Variants in ADAM23 observed in about 807,000 individuals in gnomAD.
ADAM23 encodes the protein ADAM metallopeptidase domain 23, also known as disintegrin and metalloproteinase domain-containing protein 23.
In ADAM23, 33 loss-of-function variants were observed where a neutral mutation model predicts 120.1. The ratio of observed to expected loss-of-function variants is 0.27; its 90% CI spans 0.21 to 0.37. The LOEUF (loss-of-function observed/expected upper bound fraction) is 0.37, where lower values mean the gene tolerates loss of function less well. Ranked by LOEUF, ADAM23 falls within the 10% of genes least tolerant of loss-of-function variation. The probability of loss-of-function intolerance (pLI) is 1.00; values close to 1 mark genes in which losing one functional copy is unlikely to be tolerated. For missense variants in ADAM23, 862 were observed against 1,058.2 expected, an observed-to-expected ratio of 0.81 and a Z score of 2.57; for synonymous variants, 367 against 375.2, an observed-to-expected ratio of 0.98 and a Z score of 0.25.
rs1181963503 is a variant in ADAM23, at chr2:206,561,265, A to G, written c.1254+53A>G. Reference sequence around the variant, plus strand: ...TTTGCATCTGTTCTCTTTTTTCCCTATGGCCCAGTTTACATCCTTTCTCGT... The same window carrying G: ...TTTGCATCTGTTCTCTTTTTTCCCTGTGGCCCAGTTTACATCCTTTCTCGT... On this transcript the variant is annotated intron_variant, in intron 12 of 25. Coordinates refer to ENST00000264377, the MANE Select transcript of ADAM23 (RefSeq NM_003812.4). 1.2e-5 allele frequency: 17 copies of G among 1,472,788 alleles called. No homozygotes were observed. The Admixed American group carries it at 1.7e-4, about 15-fold the overall frequency. 91.2% of individuals were successfully genotyped at this position (1,472,788 alleles called of 1,614,324 possible).
chr2:206,523,618 G>T (rs769933863), intron 3 of ADAM23, among the ~76,000 whole-genome samples: 1 of 151,972 alleles, frequency 6.6e-6, no homozygotes, highest in Non-Finnish European at 1.5e-5. Flanking sequence ...ATTTTAGGTG[G>T]TATGAGTCTA....
chr2:206,503,105 T>G (rs995494205), intron 3 of ADAM23, among the ~76,000 whole-genome samples: 1 of 152,164 alleles, frequency 6.6e-6, no homozygotes, highest in Non-Finnish European at 1.5e-5. Context: ...GGCTTGTGGT[T>G]GTGTTGCTGG....
At chr2:206,509,692 G>T (rs924841172) in intron 3 of ADAM23, among the ~76,000 whole-genome samples, 1 of 152,188 alleles carries the variant, frequency 6.6e-6, no homozygotes, top group East Asian at 1.9e-4. Context: ...CAGGTGATCC[G>T]CCGGCCTTGG....
intron 11 of ADAM23, among the ~76,000 whole-genome samples, 196 bp from the exon 12 acceptor site, chr2:206,560,932 C>T (rs1456947809): frequency 1.3e-5 from 2 of 152,084 alleles, no homozygotes; most frequent in Admixed American, 6.5e-5. Context: ...TTGGTGCTTG[C>T]TCAATTGAAA....
chr2:206,447,036 T>C (rs375632165), intron 2 of ADAM23, among the ~76,000 whole-genome samples: 1 of 152,214 alleles, frequency 6.6e-6, no homozygotes, highest in South Asian at 2.1e-4. Flanking sequence ...CCTCAAAGCC[T>C]GTTTCAAAGA....
At chr2:206,543,178 T>C in intron 5 of ADAM23, 75 bp from the exon 6 acceptor site, 1 of 1,259,228 alleles carries the variant, frequency 7.9e-7, no homozygotes, top group Non-Finnish European at 1.2e-6. Flanking sequence ...GACACAATAA[T>C]GAAGCTCACT....
intron 2 of ADAM23, among the ~76,000 whole-genome samples, chr2:206,480,034 A>T (rs1279598288): frequency 6.6e-6 from 1 of 152,094 alleles, no homozygotes; most frequent in Non-Finnish European, 1.5e-5. Flanking sequence ...AAGAGTCATT[A>T]ATCTAGACCT....
intron 7 of ADAM23, 101 bp downstream of exon 7, chr2:206,547,602 T>A: frequency 3.0e-6 from 3 of 983,764 alleles, no homozygotes; most frequent in Non-Finnish European, 4.5e-6. Flanking sequence ...GGAATTGGTC[T>A]GATATCAGGG....
At chr2:206,492,098 C>T (rs1696146279) in intron 3 of ADAM23, among the ~76,000 whole-genome samples, 1 of 152,120 alleles carries the variant, frequency 6.6e-6, no homozygotes, top group Non-Finnish European at 1.5e-5. Context: ...GGAGGAAAGA[C>T]AAATCTGTAG....
In ADAM23 at chr2:206,487,093, G is replaced by A. The variant is rs115696855; in HGVS notation, c.509+5785G>A. Among the ~76,000 whole-genome samples the A allele has an allele frequency of 4.7e-3, 711 of 152,276 alleles. 6 individuals are homozygous for A. The highest frequency in any genetic ancestry group is 0.016 in the African/African-American group (664 of 41,552). ...GCTTCTTAAGCTTTAGTTTCCTTCC[G>A]AAGCTGTAGGTTGTTGCAAGGATTA... On this transcript the variant is annotated intron_variant, in intron 3 of 25. Coordinates refer to ENST00000264377, the MANE Select transcript of ADAM23 (RefSeq NM_003812.4).
At chr2:206,498,818 C>G (rs1696316803) in intron 3 of ADAM23, among the ~76,000 whole-genome samples, 1 of 151,750 alleles carries the variant, frequency 6.6e-6, no homozygotes, top group Admixed American at 6.6e-5. Flanking sequence ...AAAAACAACC[C>G]CATCAAAAAG....
chr2:206,600,327 C>A (rs1471124344), intron 24 of ADAM23, among the ~76,000 whole-genome samples: 1 of 152,152 alleles, frequency 6.6e-6, no homozygotes, highest in Non-Finnish European at 1.5e-5. Flanking sequence ...ATAATGGGCA[C>A]CACCCACAGT....
intron 3 of ADAM23, among the ~76,000 whole-genome samples, chr2:206,501,104 TG>T (rs1696379391): frequency 6.6e-6 from 1 of 151,988 alleles, no homozygotes; most frequent in African/African-American, 2.4e-5. Context: ...AACGATTACA[TG>T]TATGTTTGTG....
chr2:206,543,652 C>T (rs957163966), intron 6 of ADAM23, among the ~76,000 whole-genome samples: 4 of 152,098 alleles, frequency 2.6e-5, no homozygotes, highest in Non-Finnish European at 5.9e-5. Context: ...GAAAAAGATA[C>T]TTGCACACAC....
chr2:206,608,510 A>G (rs547618631), intron 24 of ADAM23, among the ~76,000 whole-genome samples: 1 of 152,340 alleles, frequency 6.6e-6, no homozygotes, highest in East Asian at 1.9e-4. Context: ...TACTGTGTCC[A>G]GCACATAGTA....
chr2:206,540,370 C>G (rs551949467), intron 4 of ADAM23, among the ~76,000 whole-genome samples: 5 of 152,102 alleles, frequency 3.3e-5, no homozygotes, highest in African/African-American at 9.6e-5. Context: ...GGCTGACTTT[C>G]CATATATGTG....
chr2:206,499,979 C>T lies in ADAM23; in HGVS notation c.509+18671C>T, dbSNP rs1391192184. Among the ~76,000 whole-genome samples, 5 of 152,054 alleles carry T rather than the reference C, an allele frequency of 3.3e-5. No homozygotes were observed. The South Asian group carries it at 6.2e-4, about 19-fold the overall frequency. Reference sequence around the variant, plus strand: ...TTCACCCAGCACCGTGAACAACACCCGTACTACATTTTTCTTGTTTTGAGT... The same window carrying T: ...TTCACCCAGCACCGTGAACAACACCTGTACTACATTTTTCTTGTTTTGAGT... On this transcript the variant is annotated intron_variant, in intron 3 of 25. Coordinates refer to ENST00000264377, the MANE Select transcript of ADAM23 (RefSeq NM_003812.4).
chr2:206,590,582 C>T (rs1475063758), intron 21 of ADAM23, among the ~76,000 whole-genome samples: 1 of 152,166 alleles, frequency 6.6e-6, no homozygotes, highest in Non-Finnish European at 1.5e-5. Context: ...AAGCTTTATT[C>T]TCAGTTAATG....
intron 21 of ADAM23, among the ~76,000 whole-genome samples, chr2:206,590,345 T>C (rs1319509615): frequency 6.6e-6 from 1 of 152,088 alleles, no homozygotes; most frequent in African/African-American, 2.4e-5. Flanking sequence ...TGATCCGCCC[T>C]CCTCAGCCTC....
Sources: gnomAD v4.1 joint callset for allele counts (sites outside exome capture counted in the v4.1 genomes callset) on GRCh38, gnomAD v4.1.1 for gene constraint, MANE v1.5 for transcripts, NCBI Gene and HGNC (gene_info 2026-07-23, HGNC 2026-07-21) for gene names.